The following DLGAP2 variants were observed in gnomAD, a reference collection of about 807,000 sequenced individuals.
DLGAP2 encodes DLG associated protein 2.
DLGAP2 carries 26 observed loss-of-function variants against 100.3 expected under a neutral mutation model. The observed-to-expected ratio is 0.26, with a 90% CI of 0.19 to 0.36. The LOEUF is 0.36. Ranked by LOEUF, DLGAP2 falls within the 10% of genes least tolerant of loss-of-function variation. DLGAP2 has a pLI of 1.00. For synonymous variants in DLGAP2, 886 were observed against 630.1 expected (o/e 1.41, Z -6.08); for missense variants, 1,858 against 1,453.2 (o/e 1.28, Z -4.53).
intron 13 of DLGAP2, 93 bp from the exon 14 acceptor site, chr8:1,697,054 C>T: frequency 1.5e-6 from 2 of 1,323,106 alleles, no homozygotes; most frequent in Non-Finnish European, 2.0e-6. Flanking sequence ...CCTAATCCGC[C>T]TCTTGAAAGG....
chr8:1,660,443 A>G (rs1798383515), intron 8 of DLGAP2, among the ~76,000 whole-genome samples: 1 of 152,222 alleles, frequency 6.6e-6, no homozygotes, highest in African/African-American at 2.4e-5. Flanking sequence ...GTAAGTGAGA[A>G]TGACAAAAGC....
chr8:982,099 C>G (rs1402564842), intron 2 of DLGAP2, among the ~76,000 whole-genome samples: 1 of 152,240 alleles, frequency 6.6e-6, no homozygotes, highest in African/African-American at 2.4e-5. Context: ...TAGGAATGCT[C>G]TTCAGCCTCC....
rs74821631 is a variant in DLGAP2, at chr8:1,691,499, T to C, written c.2705-36T>C. The C allele has an allele frequency of 1.6e-3, 2,438 of 1,569,786 alleles. 46 individuals carry two copies. The African/African-American group carries it at 0.028, about 18-fold the overall frequency. Reference sequence around the variant, plus strand: ...TTGTGTAATTGACCCAGTTTTGAAGTTGTTGTTTTTTTGTTTTTGTTTTTG... The same window carrying C: ...TTGTGTAATTGACCCAGTTTTGAAGCTGTTGTTTTTTTGTTTTTGTTTTTG... On this transcript the variant is annotated intron_variant, in intron 12 of 14. Transcript: ENST00000637795.
Position 1,638,216 on chromosome 8 carries a change from G to A in DLGAP2, c.1810+5170G>A, listed in dbSNP as rs190677616. Reference sequence around the variant, plus strand: ...ACTTGGTGCTGAACCCTAATCCCAGGACCTGAGAATGTGACTGCGTTTCAG... The same window carrying A: ...ACTTGGTGCTGAACCCTAATCCCAGAACCTGAGAATGTGACTGCGTTTCAG... On this transcript the variant is annotated intron_variant, in intron 8 of 14. Coordinates refer to ENST00000637795, the MANE Select transcript of DLGAP2 (RefSeq NM_001346810.2). Among the ~76,000 whole-genome samples the A allele has an allele frequency of 2.6e-5, 4 of 152,244 alleles. No homozygotes were observed. The East Asian group carries it at 7.7e-4, about 29-fold the overall frequency.
chr8:1,430,783 A>G (rs1797403453), intron 3 of DLGAP2, among the ~76,000 whole-genome samples: 1 of 152,250 alleles, frequency 6.6e-6, no homozygotes, highest in Non-Finnish European at 1.5e-5. Context: ...ACAGTTATTG[A>G]AACATCCTTT....
intron 2 of DLGAP2, among the ~76,000 whole-genome samples, chr8:931,352 G>A (rs548630980): frequency 6.0e-4 from 92 of 152,350 alleles, no homozygotes; most frequent in South Asian, 1.0e-3. Flanking sequence ...GGCGTTTCAC[G>A]CGAGGGTGAG....
At chr8:1,682,245 A>G (rs909539571) in intron 12 of DLGAP2, among the ~76,000 whole-genome samples, 5 of 152,188 alleles carry the variant, frequency 3.3e-5, no homozygotes, top group Admixed American at 3.3e-4. Context: ...GCCATTGGAA[A>G]ATAAGTGGCA....
chr8:926,985 G>C, intron 2 of DLGAP2: 1 of 980,368 alleles, frequency 1.0e-6, no homozygotes, highest in Non-Finnish European at 1.2e-6. Flanking sequence ...GCCAGGAAAA[G>C]CCGGGGCCAG....
chr8:842,592 A>T (rs561043942), intron 1 of DLGAP2, among the ~76,000 whole-genome samples: 64 of 150,458 alleles, frequency 4.3e-4, no homozygotes, highest in African/African-American at 1.5e-3. Context: ...TCAAACTTTT[A>T]AGTTTTCAGG....
chr8:1,031,356 C>A (rs904976637), intron 2 of DLGAP2, among the ~76,000 whole-genome samples: 4 of 152,002 alleles, frequency 2.6e-5, no homozygotes, highest in African/African-American at 9.7e-5. Flanking sequence ...GTTGGGAAGC[C>A]CTGAGGACTG....
At chr8:972,987 G>A (rs1365274968) in intron 2 of DLGAP2, among the ~76,000 whole-genome samples, 3 of 152,336 alleles carry the variant, frequency 2.0e-5, no homozygotes, top group East Asian at 1.9e-4. Flanking sequence ...TCTTAGTACA[G>A]AACAAAATGG....
chr8:1,036,253 C>A (rs926660004), intron 2 of DLGAP2, among the ~76,000 whole-genome samples: 1 of 152,178 alleles, frequency 6.6e-6, no homozygotes, highest in Non-Finnish European at 1.5e-5. Context: ...ACACGCTCAT[C>A]CCGACCCCAC....
At chr8:1,411,187 A>T (rs918312878) in intron 3 of DLGAP2, among the ~76,000 whole-genome samples, 1 of 152,198 alleles carries the variant, frequency 6.6e-6, no homozygotes, top group African/African-American at 2.4e-5. Context: ...TTAACTACAG[A>T]GAAATTATTC....
chr8:1,114,527 G>A (rs1399706314), intron 2 of DLGAP2, among the ~76,000 whole-genome samples: 4 of 152,044 alleles, frequency 2.6e-5, no homozygotes, highest in South Asian at 4.1e-4. Flanking sequence ...TTTTATTTCT[G>A]TGGGGTCAGT....
At chr8:1,382,290 C>T (rs76332023) in intron 3 of DLGAP2, among the ~76,000 whole-genome samples, 2,399 of 152,354 alleles carry the variant, frequency 0.016, 49 homozygotes, top group African/African-American at 0.053. Flanking sequence ...CCTTCATCCC[C>T]GTCTTCACGT....
intron 3 of DLGAP2, among the ~76,000 whole-genome samples, chr8:1,417,929 A>G (rs1421012400): frequency 2.6e-5 from 4 of 152,126 alleles, no homozygotes; most frequent in African/African-American, 9.7e-5. Flanking sequence ...TACATTTTCA[A>G]AATAGCTACC....
At chr8:1,528,976 C>T (rs149393151) in intron 4 of DLGAP2, among the ~76,000 whole-genome samples, 87 of 152,280 alleles carry the variant, frequency 5.7e-4, no homozygotes, top group Middle Eastern at 3.4e-3. Context: ...AAAATGTTCA[C>T]GTGATATTTA....
At chr8:1,683,650 G>A (rs1212838107) in intron 12 of DLGAP2, among the ~76,000 whole-genome samples, 6 of 150,080 alleles carry the variant, frequency 4.0e-5, no homozygotes, top group South Asian at 2.1e-4. Context: ...AGGGAAGCAG[G>A]AGGATGGGCT....
chr8:1,074,917 G>A (rs911761632), intron 2 of DLGAP2, among the ~76,000 whole-genome samples: 1 of 152,078 alleles, frequency 6.6e-6, no homozygotes, highest in African/African-American at 2.4e-5. Flanking sequence ...ACTCTCCTTG[G>A]TCACCTTGCA....
Sources: allele counts gnomAD v4.1 joint callset (sites outside exome capture counted in the v4.1 genomes callset), GRCh38; gene constraint gnomAD v4.1.1; transcripts MANE v1.5; gene names NCBI Gene and HGNC (gene_info 2026-07-23, HGNC 2026-07-21).